PMP22: variants seen among roughly 807,000 people sequenced by gnomAD.
PMP22 encodes peripheral myelin protein 22.
Under a neutral mutation model 18.9 loss-of-function variants are expected in PMP22, and 2 were observed. That is an observed-to-expected ratio of 0.11 (90% confidence interval 0.04 to 0.33). The LOEUF (loss-of-function observed/expected upper bound fraction) is 0.33, where lower values mean the gene tolerates loss of function less well. Among genes scored for constraint, PMP22 ranks in the 10% least tolerant of loss-of-function variants. PMP22 has a pLI of 1.00. For missense variants in PMP22, 169 were observed against 202.2 expected, an observed-to-expected ratio of 0.84 and a Z score of 1.00; for synonymous variants, 95 against 89.2, an observed-to-expected ratio of 1.07 and a Z score of -0.37.
In PMP22 at chr17:15,258,625, G is replaced by A. The variant is rs1032124315; in HGVS notation, c.178+469C>T. 4 of 218,882 alleles carry A rather than the reference G, an allele frequency of 1.8e-5. No individual in the cohort carries two copies. Among genetic ancestry groups the A allele is most frequent in the Admixed American group, 1.5e-4 (3 of 19,716 alleles). The allele number at this position is 218,882 out of a possible 1,614,324, so 13.6% of individuals were successfully genotyped here. A position where few individuals can be genotyped will look rare whatever the true frequency, so the allele number is the denominator to read the frequency against. ...TCACTGAGGCCCAAGACCTGGAAAG[G>A]CAGCCAGTCTTGTGTCCATGTAACT... On this transcript the variant is annotated intron_variant, in intron 3 of 4. Coordinates refer to ENST00000312280, the MANE Select transcript of PMP22 (RefSeq NM_000304.4). The surrounding 1 kb of genome is among the most constrained non-coding windows in gnomAD (Gnocchi z 4.1).
intron 3 of PMP22, among the ~76,000 whole-genome samples, chr17:15,244,168 T>C (rs1204029027): frequency 1.3e-5 from 2 of 152,030 alleles, no homozygotes; most frequent in East Asian, 3.8e-4. Flanking sequence ...TCGTAAAAGG[T>C]GCCCAACCTC....
Position 15,260,673 on chromosome 17 carries a change from G to A in PMP22, c.55C>T (p.Leu19=), listed in dbSNP as rs1909244933. 1 of 1,553,062 alleles carries A rather than the reference G, an allele frequency of 6.4e-7. No individual in the cohort carries two copies. Among genetic ancestry groups the A allele is most frequent in the Non-Finnish European group, 8.7e-7 (1 of 1,147,696 alleles). ...IVLHVAVLVL[L]FVSTIVSQWI... ...ACGCTGACGATCGTGGAGACGAACA[G>A]CAGCACCAGCACCGCGACGTGGAGG... is the stretch of plus-strand genomic sequence containing the variant. The change falls in exon 2 of 5, where the codon CTG becomes TTG. Residue 19 remains leucine (L), a synonymous_variant. Transcript: ENST00000312280.
At chr17:15,264,454 T>A (rs775695547) in intron 1 of PMP22, among the ~76,000 whole-genome samples, 9 of 152,240 alleles carry the variant, frequency 5.9e-5, no homozygotes, top group Admixed American at 2.0e-4. Context: ...TACTCAGGAC[T>A]GTTCTAAGTA....
chr17:15,239,134 T>C lies in PMP22; in HGVS notation c.319+337A>G, dbSNP rs866422757. 2.0e-5 allele frequency among the ~76,000 whole-genome samples: 3 copies of C among 152,242 alleles called. No individual in the cohort carries two copies. The South Asian group carries it at 6.2e-4, about 32-fold the overall frequency. ...TCAAGCCTGACCTTTGCTCTACAGA[T>C]AGCCTCAGTATTCACCTCTGATTAT... On this transcript the variant is annotated intron_variant, in intron 4 of 4. Coordinates refer to ENST00000312280, the MANE Select transcript of PMP22 (RefSeq NM_000304.4).
At chr17:15,251,782 G>A (rs1908375204) in intron 3 of PMP22, 1 of 152,034 alleles carries the variant, frequency 6.6e-6, no homozygotes. Flanking sequence ...GCTGCACCAT[G>A]GCCAGTCCCT....
intron 3 of PMP22, among the ~76,000 whole-genome samples, 192 bp from the exon 4 acceptor site, chr17:15,239,803 T>C (rs1960282645): frequency 6.6e-6 from 1 of 152,242 alleles, no homozygotes; most frequent in Non-Finnish European, 1.5e-5. Context: ...CTTTATTGTT[T>C]ATTTTGGAGG....
At chr17:15,233,592 A>G (rs1041616427) in intron 4 of PMP22, among the ~76,000 whole-genome samples, 3 of 152,228 alleles carry the variant, frequency 2.0e-5, no homozygotes, top group Non-Finnish European at 2.9e-5. Flanking sequence ...AATTCCCAGT[A>G]CATCCTTATC....
intron 3 of PMP22, among the ~76,000 whole-genome samples, chr17:15,254,862 G>A (rs1332928089): frequency 2.0e-5 from 3 of 152,216 alleles, no homozygotes; most frequent in Non-Finnish European, 4.4e-5. Context: ...GGGAGGCTGA[G>A]GCAGGAGAAT....
intron 3 of PMP22, among the ~76,000 whole-genome samples, chr17:15,246,001 A>G (rs1237368258): frequency 6.7e-6 from 1 of 150,132 alleles, no homozygotes; most frequent in Non-Finnish European, 1.5e-5. Flanking sequence ...AGCCTGGGCG[A>G]CAGAGCAAGA....
intron 1 of PMP22, 111 bp from the exon 2 acceptor site, chr17:15,260,872 C>G: frequency 2.7e-6 from 2 of 745,086 alleles, no homozygotes; most frequent in East Asian, 2.9e-5. Context: ...GCCCAGCGCC[C>G]GCAGCCCGAC....
At chr17:15,245,745 C>T (rs1597615662) in intron 3 of PMP22, among the ~76,000 whole-genome samples, 1 of 151,918 alleles carries the variant, frequency 6.6e-6, no homozygotes, top group Non-Finnish European at 1.5e-5. Flanking sequence ...CAGTGGGTCA[C>T]GCCTGTAATC....
chr17:15,251,375 G>T (rs955298456), intron 3 of PMP22, among the ~76,000 whole-genome samples: 1 of 152,130 alleles, frequency 6.6e-6, no homozygotes, highest in African/African-American at 2.4e-5. Flanking sequence ...CTGCACAATG[G>T]CAGGGACCTG....
At chr17:15,237,846 G>A (rs1036576537) in intron 4 of PMP22, among the ~76,000 whole-genome samples, 1 of 152,064 alleles carries the variant, frequency 6.6e-6, no homozygotes, top group Non-Finnish European at 1.5e-5. Context: ...TCACACATGG[G>A]CATGAAAACC....
At chr17:15,253,117 G>A (rs923381557) in intron 3 of PMP22, among the ~76,000 whole-genome samples, 2 of 152,114 alleles carry the variant, frequency 1.3e-5, no homozygotes, top group Non-Finnish European at 2.9e-5. Context: ...TAGGGTCTTG[G>A]GGAGGAGGCT....
intron 4 of PMP22, among the ~76,000 whole-genome samples, chr17:15,235,050 C>T (rs971535082): frequency 6.6e-6 from 1 of 152,148 alleles, no homozygotes; most frequent in African/African-American, 2.4e-5. Context: ...GAACTCCTGG[C>T]TTTAAGCAAT....
At chr17:15,237,983 A>C (rs1270223792) in intron 4 of PMP22, among the ~76,000 whole-genome samples, 4 of 152,044 alleles carry the variant, frequency 2.6e-5, no homozygotes, top group African/African-American at 9.7e-5. Context: ...ATTTGATATC[A>C]AACTAAAACG....
intron 4 of PMP22, 23 bp from the exon 5 acceptor site, chr17:15,231,103 T>C: frequency 6.2e-7 from 1 of 1,612,700 alleles, no homozygotes; most frequent in Non-Finnish European, 8.5e-7. Flanking sequence ...AGGGACAAGC[T>C]GGGTGACGGA....
chr17:15,242,466 G>C (rs1446060416), intron 3 of PMP22, among the ~76,000 whole-genome samples: 4 of 152,172 alleles, frequency 2.6e-5, no homozygotes, highest in African/African-American at 9.6e-5. Flanking sequence ...TTGTTTCATA[G>C]AGGAAAGATT....
chr17:15,258,684 A>G lies in PMP22; in HGVS notation c.178+410T>C, dbSNP rs140865361. On this transcript the variant is annotated intron_variant, in intron 3 of 4. Coordinates refer to ENST00000312280, the MANE Select transcript of PMP22 (RefSeq NM_000304.4). The surrounding 1 kb of genome is among the most constrained non-coding windows in gnomAD (Gnocchi z 4.1). The stretch of plus-strand genomic sequence containing the variant: ...AGTGAGCTAGCCCCACTGTCACTGC[A>G]GCAGAAAGGGGCAGGACATTTCTGA... 1.6e-5 allele frequency: 5 copies of G among 305,876 alleles called. No homozygotes were observed. Among genetic ancestry groups the G allele is most frequent in the African/African-American group, 1.1e-4 (5 of 46,486 alleles). The allele number at this position is 305,876 out of a possible 1,614,324, so 18.9% of individuals were successfully genotyped here.
Sources: allele counts gnomAD v4.1 joint callset (sites outside exome capture counted in the v4.1 genomes callset), GRCh38; gene constraint gnomAD v4.1.1; non-coding constraint Gnocchi (gnomAD v3.1); transcripts MANE v1.5; gene names NCBI Gene and HGNC (gene_info 2026-07-23, HGNC 2026-07-21).